UNC5C: variants seen among roughly 807,000 people sequenced by gnomAD.
The protein encoded by UNC5C is unc-5 netrin receptor C.
In UNC5C, 47 loss-of-function variants were observed where a neutral mutation model predicts 99.8. That is an observed-to-expected ratio of 0.47 (90% CI 0.37 to 0.60). The LOEUF is 0.60. Among genes scored for constraint, UNC5C ranks in the 20% least tolerant of loss-of-function variants. The pLI, the probability that UNC5C is intolerant of heterozygous loss-of-function variation, is 0.00. For synonymous variants in UNC5C, 487 were observed against 452.2 expected, an observed-to-expected ratio of 1.08 and a Z score of -0.98; for missense variants, 1,062 against 1,165.9, an observed-to-expected ratio of 0.91 and a Z score of 1.30.
intron 3 of UNC5C, among the ~76,000 whole-genome samples, chr4:95,292,506 G>A (rs1236596755): frequency 3.3e-5 from 5 of 152,074 alleles, no homozygotes; most frequent in East Asian, 1.9e-4. Flanking sequence ...CACCCTAGGC[G>A]TTTTGAATTA....
intron 1 of UNC5C, among the ~76,000 whole-genome samples, chr4:95,435,372 C>T (rs1746745996): frequency 1.3e-5 from 2 of 151,866 alleles, no homozygotes; most frequent in Admixed American, 1.3e-4. Context: ...CAGCTAGGTT[C>T]ACCGTCTTCA....
chr4:95,469,892 A>G (rs1012749329), intron 1 of UNC5C, among the ~76,000 whole-genome samples: 3 of 152,156 alleles, frequency 2.0e-5, no homozygotes, highest in Non-Finnish European at 4.4e-5. Context: ...AAATAGCATC[A>G]AAGAGTGTTT....
chr4:95,257,529 G>A (rs1283141992), intron 4 of UNC5C, among the ~76,000 whole-genome samples: 1 of 152,216 alleles, frequency 6.6e-6, no homozygotes, highest in Non-Finnish European at 1.5e-5. Context: ...TATGTGGAAA[G>A]GGGGGTGCAA....
At position 95,422,005 on chromosome 4, in the gene UNC5C, G is replaced by C. The variant is rs377350844; in HGVS notation, c.125-86374C>G. On this transcript the variant is annotated intron_variant, in intron 1 of 15. Transcript: ENST00000453304. ...AGCAAAAGATCTGTGGTAACAGCAA[G>C]GGCCAACAGAGCACATGTCAGATGT... 2.0e-4 allele frequency among the ~76,000 whole-genome samples: 30 copies of C among 152,242 alleles called. No homozygotes were observed. In the South Asian group the frequency reaches 4.8e-3, roughly 24 times the overall value.
At chr4:95,274,058 AAACATG>A in intron 4 of UNC5C, among the ~76,000 whole-genome samples, 1 of 152,220 alleles carries the variant, frequency 6.6e-6, no homozygotes, top group Middle Eastern at 3.2e-3. Context: ...ATTAGAGATA[AAACATG>A]AACAAAAAAC....
chr4:95,548,749 C>T lies in UNC5C; in HGVS notation c.109G>A (p.Gly37Ser). ...ACCCCCTTACCTTGGGCGGCGGAGC[C>T]AGTGCCGCTGGCGCTGAGCAGGGCC... is the stretch of plus-strand genomic sequence containing the variant. ...ALALLSASGT[G>S]SAAQDDDFFH... Residue 37 changes from glycine (G) to serine (S), a missense_variant, in exon 1 of 16, where the codon GGC becomes AGC. Transcript: ENST00000453304. The T allele has an allele frequency of 6.2e-7, 1 of 1,612,710 alleles. No homozygotes were observed. Among genetic ancestry groups the T allele is most frequent in the Non-Finnish European group, 8.5e-7 (1 of 1,179,572 alleles).
intron 1 of UNC5C, among the ~76,000 whole-genome samples, chr4:95,411,136 G>A (rs190267747): frequency 3.5e-4 from 54 of 152,174 alleles, no homozygotes; most frequent in African/African-American, 1.2e-3. Context: ...ACAGCCCCTC[G>A]GGACAAACCA....
chr4:95,194,255 A>C (rs983310324), intron 12 of UNC5C, among the ~76,000 whole-genome samples: 16 of 152,194 alleles, frequency 1.1e-4, no homozygotes, highest in African/African-American at 3.9e-4. Context: ...TGTATTAGGA[A>C]CAGGACTTTG....
At chr4:95,329,023 G>A (rs1160987041) in intron 2 of UNC5C, among the ~76,000 whole-genome samples, 1 of 152,134 alleles carries the variant, frequency 6.6e-6, no homozygotes, top group Admixed American at 6.6e-5. Flanking sequence ...GGGGTGGAGG[G>A]AACTCTCCTC....
chr4:95,360,496 C>CA (rs1264403918), intron 1 of UNC5C, among the ~76,000 whole-genome samples: 2 of 151,978 alleles, frequency 1.3e-5, no homozygotes, highest in Admixed American at 6.6e-5. Flanking sequence ...AGAAAATTTG[C>CA]AAAAAACATA....
intron 1 of UNC5C, among the ~76,000 whole-genome samples, chr4:95,458,361 T>G (rs939920667): frequency 1.3e-5 from 2 of 152,138 alleles, no homozygotes; most frequent in African/African-American, 4.8e-5. Flanking sequence ...ATGATTGTTC[T>G]GTCAAGTAAA....
intron 3 of UNC5C, among the ~76,000 whole-genome samples, chr4:95,286,926 G>T (rs1332159173): frequency 2.0e-5 from 3 of 152,056 alleles, no homozygotes; most frequent in Non-Finnish European, 4.4e-5. Flanking sequence ...CAAAATACTT[G>T]TGTGGGCCAA....
intron 1 of UNC5C, among the ~76,000 whole-genome samples, chr4:95,356,795 G>A (rs1744220123): frequency 3.3e-5 from 5 of 152,120 alleles, no homozygotes; most frequent in Admixed American, 2.6e-4. Context: ...AAACTGTAGG[G>A]TGGGAAAACA....
chr4:95,534,935 T>A (rs1399343786), intron 1 of UNC5C, among the ~76,000 whole-genome samples: 1 of 152,158 alleles, frequency 6.6e-6, no homozygotes, highest in Non-Finnish European at 1.5e-5. Flanking sequence ...GAAGGTTAAT[T>A]GTTTCTGTTC....
At position 95,353,396 on chromosome 4, in the gene UNC5C, T is replaced by C. The variant is rs142961853; in HGVS notation, c.125-17765A>G. Among the ~76,000 whole-genome samples the C allele has an allele frequency of 1.3e-3, 200 of 152,086 alleles. 1 individual carries two copies. The highest frequency in any genetic ancestry group is 4.6e-3 in the African/African-American group (190 of 41,546). ...AATATAATCTAACCATATCTATCTA[T>C]ATCAAAAATATGCATGCATTATATA... On this transcript the variant is annotated intron_variant, in intron 1 of 15. Transcript: ENST00000453304.
chr4:95,324,017 C>A (rs1480282555), intron 2 of UNC5C, among the ~76,000 whole-genome samples: 1 of 152,022 alleles, frequency 6.6e-6, no homozygotes, highest in Non-Finnish European at 1.5e-5. Flanking sequence ...GCCTGGGCAA[C>A]AGAGTGAGAC....
intron 1 of UNC5C, among the ~76,000 whole-genome samples, chr4:95,482,141 T>C (rs1333735247): frequency 6.6e-6 from 1 of 151,692 alleles, no homozygotes; most frequent in South Asian, 2.1e-4. Flanking sequence ...GAATCTACAA[T>C]GAACTCAAAC....
At chr4:95,347,403 A>G (rs566807942) in intron 1 of UNC5C, among the ~76,000 whole-genome samples, 4 of 152,202 alleles carry the variant, frequency 2.6e-5, no homozygotes, top group Admixed American at 2.6e-4. Context: ...AAATAGAAAA[A>G]AAATGCTAAA....
At chr4:95,327,901 G>C (rs966951319) in intron 2 of UNC5C, among the ~76,000 whole-genome samples, 1 of 151,902 alleles carries the variant, frequency 6.6e-6, no homozygotes, top group Non-Finnish European at 1.5e-5. Flanking sequence ...GACACACTGG[G>C]TGCAGGAACC....
Sources: allele counts gnomAD v4.1 joint callset (sites outside exome capture counted in the v4.1 genomes callset), GRCh38; gene constraint gnomAD v4.1.1; transcripts MANE v1.5; gene names NCBI Gene and HGNC (gene_info 2026-07-23, HGNC 2026-07-21).